KCNA2: variants seen among roughly 807,000 people sequenced by gnomAD.
KCNA2 encodes potassium channel, voltage gated shaker related subfamily A, member 2.
A neutral mutation model predicts 33.4 loss-of-function variants in KCNA2; 11 were observed. The observed-to-expected ratio is 0.33, with a 90% CI of 0.21 to 0.55. KCNA2 has a LOEUF of 0.55. KCNA2 is among the 20% of genes least tolerant of loss of function. The pLI, the probability that KCNA2 is intolerant of heterozygous loss-of-function variation, is 0.93. For synonymous variants in KCNA2, 222 were observed against 231.3 expected (o/e 0.96, Z 0.37); for missense variants, 291 against 621.6 (o/e 0.47, Z 5.66).
chr1:110,628,235 A>G (rs577497157), intron 1 of KCNA2, among the ~76,000 whole-genome samples: 1 of 152,206 alleles, frequency 6.6e-6, no homozygotes, highest in African/African-American at 2.4e-5. Flanking sequence ...TGTCCTCCAC[A>G]CTGGGTATAT....
In KCNA2 at chr1:110,598,970, C is replaced by T. The variant is rs1570748141; in HGVS notation, c.*4313G>A. The T allele has an allele frequency of 1.0e-6, 1 of 985,324 alleles. No individual in the cohort carries two copies. Among genetic ancestry groups the T allele is most frequent in the Non-Finnish European group, 1.2e-6 (1 of 829,952 alleles). The allele number at this position is 985,324 out of a possible 1,614,324, so 61.0% of individuals were successfully genotyped here. ...TCCAAGTTTCTTGAAAATGAATCCA[C>T]AGAGGCACTTGATGAAGCCAACAGG... On this transcript the variant is annotated 3_prime_UTR_variant, in exon 3 of 3. Coordinates refer to ENST00000316361, the MANE Select transcript of KCNA2 (RefSeq NM_004974.4).
chr1:110,621,762 G>T (rs767465442), intron 1 of KCNA2, among the ~76,000 whole-genome samples: 4 of 152,114 alleles, frequency 2.6e-5, no homozygotes, highest in Admixed American at 2.6e-4. Flanking sequence ...TTCCGTGAGA[G>T]ACATAAACTA....
chr1:110,611,144 CA>C (rs1649858702), upstream of KCNA2, among the ~76,000 whole-genome samples: 1 of 152,142 alleles, frequency 6.6e-6, no homozygotes, highest in Non-Finnish European at 1.5e-5. Context: ...CATGGAGGTG[CA>C]TGGAGAAGCA....
In KCNA2 at chr1:110,594,321, A is replaced by ATG. The variant is rs1440497145; in HGVS notation, c.*8960_*8961dup. On this transcript the variant is annotated 3_prime_UTR_variant, in exon 3 of 3. Coordinates refer to ENST00000316361, the MANE Select transcript of KCNA2 (RefSeq NM_004974.4). ...TATATATATATACATATATATATAT[A>ATG]TGTGTGTGTATATATATATACACAC... is the stretch of plus-strand genomic sequence containing the variant. The ATG allele has an allele frequency of 9.1e-6, 8 of 877,736 alleles. No homozygotes were observed. Among genetic ancestry groups the ATG allele is most frequent in the Non-Finnish European group, 8.1e-6 (6 of 736,246 alleles). 54.4% of individuals were successfully genotyped at this position (877,736 alleles called of 1,614,324 possible).
At chr1:110,615,080 G>A (rs1650004058) in intron 1 of KCNA2, among the ~76,000 whole-genome samples, 1 of 152,226 alleles carries the variant, frequency 6.6e-6, no homozygotes, top group South Asian at 2.1e-4. Flanking sequence ...CTTTGACTCT[G>A]AGGCCTTGCA....
chr1:110,602,426 G>A lies in KCNA2; in HGVS notation c.*857C>T. ...ACCCATGCAGCTCTATTGCATCACTGGTAAATTTCACTGCAGTGTCAGTGT... is the reference window on the plus strand; with the variant it reads ...ACCCATGCAGCTCTATTGCATCACTAGTAAATTTCACTGCAGTGTCAGTGT... On this transcript the variant is annotated 3_prime_UTR_variant, in exon 3 of 3. Transcript: ENST00000316361. 1.5e-6 allele frequency: 2 copies of A among 1,321,112 alleles called. No homozygotes were observed. 81.8% of individuals were successfully genotyped at this position (1,321,112 alleles called of 1,614,324 possible).
Position 110,595,867 on chromosome 1 carries a change from A to C in KCNA2, c.*7416T>G, listed in dbSNP as rs1649075581. The C allele has an allele frequency of 1.0e-6, 1 of 985,334 alleles. No individual in the cohort carries two copies. The highest frequency in any genetic ancestry group is 6.1e-5 in the Admixed American group (1 of 16,270). The allele number at this position is 985,334 out of a possible 1,614,324, so 61.0% of individuals were successfully genotyped here. A position where few individuals can be genotyped will look rare whatever the true frequency, so the allele number is the denominator to read the frequency against. On this transcript the variant is annotated 3_prime_UTR_variant, in exon 3 of 3. Coordinates refer to ENST00000316361, the MANE Select transcript of KCNA2 (RefSeq NM_004974.4). The stretch of plus-strand genomic sequence containing the variant: ...TACTTTCAGATCTCACAAACCTCAA[A>C]CCTAGGGCACCACCAATGACAAAGA...
Position 110,602,430 on chromosome 1 carries a change from A to T in KCNA2, c.*853T>A. ...ATGCAGCTCTATTGCATCACTGGTA[A>T]ATTTCACTGCAGTGTCAGTGTAGCT... On this transcript the variant is annotated 3_prime_UTR_variant, in exon 3 of 3. Coordinates refer to ENST00000316361, the MANE Select transcript of KCNA2 (RefSeq NM_004974.4). The T allele has an allele frequency of 7.6e-7, 1 of 1,318,264 alleles. No individual in the cohort carries two copies. The highest frequency in any genetic ancestry group is 9.7e-7 in the Non-Finnish European group (1 of 1,034,254). The allele number at this position is 1,318,264 out of a possible 1,614,324, so 81.7% of individuals were successfully genotyped here.
upstream of KCNA2, chr1:110,606,405 G>T (rs544390487): frequency 1.3e-5 from 2 of 152,264 alleles, no homozygotes; most frequent in Non-Finnish European, 1.5e-5. Context: ...AGCAGCGAGA[G>T]GGGGAGCCTG....
chr1:110,629,323 G>C (rs1650486107), intron 1 of KCNA2, among the ~76,000 whole-genome samples: 1 of 152,054 alleles, frequency 6.6e-6, no homozygotes, highest in African/African-American at 2.4e-5. Context: ...ATGAAAGTTT[G>C]GGAACTACTG....
chr1:110,617,299 G>A (rs1485749216), intron 1 of KCNA2, among the ~76,000 whole-genome samples: 1 of 152,248 alleles, frequency 6.6e-6, no homozygotes, highest in African/African-American at 2.4e-5. Context: ...CAGAGAAGCA[G>A]CCTCACCTGT....
At chr1:110,612,075 G>A (rs1649892027) in intron 1 of KCNA2, among the ~76,000 whole-genome samples, 2 of 152,114 alleles carry the variant, frequency 1.3e-5, no homozygotes, top group African/African-American at 4.8e-5. Flanking sequence ...GGCTAATGAG[G>A]GTAGTCCCTC....
chr1:110,596,021 C>T lies in KCNA2; in HGVS notation c.*7262G>A. 1 of 985,430 alleles carries T rather than the reference C, an allele frequency of 1.0e-6. No individual in the cohort carries two copies. The highest frequency in any genetic ancestry group is 4.7e-5 in the South Asian group (1 of 21,282). The allele number at this position is 985,430 out of a possible 1,614,324, so 61.0% of individuals were successfully genotyped here. On this transcript the variant is annotated 3_prime_UTR_variant, in exon 3 of 3. Transcript: ENST00000316361. ...CCAACCAGGGCAGACAGAAGAAAGG[C>T]TAAAGCACCTGGCTGTTAGATCAGA...
At chr1:110,630,164 C>T (rs962188334) in intron 1 of KCNA2, among the ~76,000 whole-genome samples, 9 of 151,820 alleles carry the variant, frequency 5.9e-5, no homozygotes, top group African/African-American at 9.7e-5. Context: ...TACAGGCATG[C>T]GCCACCATGC....
upstream of KCNA2, among the ~76,000 whole-genome samples, chr1:110,610,852 C>A (rs1003942730): frequency 2.6e-5 from 4 of 152,186 alleles, no homozygotes; most frequent in Admixed American, 2.6e-4. Flanking sequence ...AGAGTCAGGA[C>A]CCAAAGGCTC....
intron 1 of KCNA2, among the ~76,000 whole-genome samples, chr1:110,630,930 T>TCCA (rs774577559): frequency 1.7e-4 from 26 of 152,156 alleles, no homozygotes; most frequent in Non-Finnish European, 3.2e-4. Flanking sequence ...GGTCTTCCTT[T>TCCA]CCACCACCAC....
In KCNA2 at chr1:110,596,331, T is replaced by C. The variant is rs1239311724; in HGVS notation, c.*6952A>G. 1 of 423,238 alleles carries C rather than the reference T, an allele frequency of 2.4e-6. No homozygotes were observed. The highest frequency in any genetic ancestry group is 6.8e-5 in the Admixed American group (1 of 14,786). 26.2% of individuals were successfully genotyped at this position (423,238 alleles called of 1,614,324 possible). ...TTTAAAAATAGTATACATATATACATATACTATATATATATATATACACAC... is the reference window on the plus strand; with the variant it reads ...TTTAAAAATAGTATACATATATACACATACTATATATATATATATACACAC... On this transcript the variant is annotated 3_prime_UTR_variant, in exon 3 of 3. Transcript: ENST00000316361.
At chr1:110,616,105 T>G (rs1456648164) in intron 1 of KCNA2, among the ~76,000 whole-genome samples, 1 of 152,192 alleles carries the variant, frequency 6.6e-6, no homozygotes, top group African/African-American at 2.4e-5. Flanking sequence ...GAGCCATGCT[T>G]TAAGGGTTCT....
At chr1:110,625,912 C>T (rs958015061) in intron 1 of KCNA2, among the ~76,000 whole-genome samples, 1 of 151,872 alleles carries the variant, frequency 6.6e-6, no homozygotes, top group Admixed American at 6.6e-5. Context: ...ATTTTTTGAC[C>T]TATTGATTTG....
Sources: gnomAD v4.1 joint callset for allele counts (sites outside exome capture counted in the v4.1 genomes callset) on GRCh38, gnomAD v4.1.1 for gene constraint, MANE v1.5 for transcripts, NCBI Gene and HGNC (gene_info 2026-07-23, HGNC 2026-07-21) for gene names.